The following PCDHGC5 variants were observed in gnomAD, a reference collection of about 807,000 sequenced individuals.
PCDHGC5 encodes protocadherin gamma-C5.
PCDHGC5 carries 25 observed loss-of-function variants against 59.0 expected under a neutral mutation model. That is an observed-to-expected ratio of 0.42 (90% CI 0.31 to 0.59). PCDHGC5 has a LOEUF of 0.59. PCDHGC5 is among the 20% of genes least tolerant of loss of function. The pLI is 0.13. For synonymous variants in PCDHGC5, 434 were observed against 505.5 expected, an observed-to-expected ratio of 0.86 and a Z score of 1.90; for missense variants, 1,067 against 1,206.4, an observed-to-expected ratio of 0.88 and a Z score of 1.71.
intron 3 of PCDHGC5, among the ~76,000 whole-genome samples, chr5:141,508,837 A>C (rs1596180024): frequency 6.7e-6 from 1 of 149,276 alleles, no homozygotes; most frequent in Non-Finnish European, 1.5e-5. Context: ...CCCCTCCCCT[A>C]CCCCTTCCAT....
intron 2 of PCDHGC5, among the ~76,000 whole-genome samples, chr5:141,503,324 C>T (rs1389385473): frequency 7.9e-5 from 12 of 152,014 alleles, no homozygotes; most frequent in South Asian, 2.1e-4. Context: ...TGGAGGGGCG[C>T]GGTGGCTCAC....
chr5:141,501,544 G>T (rs1297191346), intron 2 of PCDHGC5, among the ~76,000 whole-genome samples: 3 of 151,962 alleles, frequency 2.0e-5, no homozygotes, highest in African/African-American at 7.3e-5. Flanking sequence ...TTGTGCATAA[G>T]ATCATAGGCC....
chr5:141,511,359 T>C lies in PCDHGC5; in HGVS notation c.*186T>C. The stretch of plus-strand genomic sequence containing the variant: ...CACCTACCCCTTCCCCCCCAGGGGG[T>C]TGAATATGCAAAAGCAGTTCCGCTG... On this transcript the variant is annotated 3_prime_UTR_variant, in exon 4 of 4. Coordinates refer to ENST00000252087, the MANE Select transcript of PCDHGC5 (RefSeq NM_018929.3). The C allele has an allele frequency of 2.2e-6, 3 of 1,339,338 alleles. No homozygotes were observed. In the South Asian group the frequency reaches 4.6e-5, roughly 20 times the overall value. The allele number at this position is 1,339,338 out of a possible 1,614,324, so 83.0% of individuals were successfully genotyped here. A position where few individuals can be genotyped will look rare whatever the true frequency, so the allele number is the denominator to read the frequency against.
intron 2 of PCDHGC5, among the ~76,000 whole-genome samples, chr5:141,501,184 C>T (rs1209222790): frequency 6.6e-6 from 1 of 152,002 alleles, no homozygotes; most frequent in Non-Finnish European, 1.5e-5. Context: ...CATTTTAACA[C>T]AATTAAATTC....
In PCDHGC5 at chr5:141,500,954, C is replaced by T. The variant is rs536993707; in HGVS notation, c.2520-4439C>T. On this transcript the variant is annotated intron_variant, in intron 2 of 3. Coordinates refer to ENST00000252087, the MANE Select transcript of PCDHGC5 (RefSeq NM_018929.3). Reference sequence around the variant, plus strand: ...CGCCATCTCGGCTCACTGCAAGCTCCACCTCCTGGGTTCAAGCAATTCTCC... The same window carrying T: ...CGCCATCTCGGCTCACTGCAAGCTCTACCTCCTGGGTTCAAGCAATTCTCC... Among the ~76,000 whole-genome samples the T allele has an allele frequency of 2.4e-3, 358 of 152,060 alleles. 1 individual carries two copies. The highest frequency in any genetic ancestry group is 4.1e-3 in the Admixed American group (63 of 15,282).
chr5:141,502,003 G>A (rs945565369), intron 2 of PCDHGC5, among the ~76,000 whole-genome samples: 17 of 151,966 alleles, frequency 1.1e-4, no homozygotes, highest in Admixed American at 1.1e-3. Flanking sequence ...CTGACAACCC[G>A]CATGCTCTCC....
In PCDHGC5 at chr5:141,491,607, T is replaced by G; in HGVS notation, c.2367T>G (p.Phe789Leu). Residue 789 changes from phenylalanine to leucine, a missense_variant, in exon 1 of 4, where the codon TTT (phenylalanine) becomes TTG (leucine). Coordinates refer to ENST00000252087, the MANE Select transcript of PCDHGC5 (RefSeq NM_018929.3). The surrounding 1 kb of genome is among the most constrained non-coding windows in gnomAD (Gnocchi z 6.9). ...CCTCGGACGGCAGTGACTTCACTTT[T>G]CTAAGACCCCTCAGCGTTCAGCAGC... ...SPASDGSDFT[F>L]LRPLSVQQPT... 6.2e-7 allele frequency: 1 copy of G among 1,613,932 alleles called. No homozygotes were observed. The highest frequency in any genetic ancestry group is 1.1e-5 in the South Asian group (1 of 91,084).
Position 141,489,267 on chromosome 5 carries a change from C to G in PCDHGC5, c.27C>G (p.Leu9=). 6.4e-7 allele frequency: 1 copy of G among 1,553,302 alleles called. No homozygotes were observed. Among genetic ancestry groups the G allele is most frequent in the Non-Finnish European group, 8.7e-7 (1 of 1,149,864 alleles). The stretch of plus-strand genomic sequence containing the variant: ...TGGGGCCCAAGACACTCCCACAGCT[C>G]GCTGGGAAATGGCAAGTGCTGTGCA... MGPKTLPQ[L]AGKWQVLCML... Residue 9 remains leucine, a synonymous_variant, in exon 1 of 4, where the codon CTC becomes CTG. Coordinates refer to ENST00000252087, the MANE Select transcript of PCDHGC5 (RefSeq NM_018929.3). The surrounding 1 kb of genome is among the most constrained non-coding windows in gnomAD (Gnocchi z 4.5).
intron 2 of PCDHGC5, among the ~76,000 whole-genome samples, chr5:141,502,905 A>T (rs1364939091): frequency 1.5e-5 from 2 of 131,814 alleles, no homozygotes; most frequent in Non-Finnish European, 3.0e-5. Flanking sequence ...CTCTGTTGCC[A>T]GGCTGGAGTG....
chr5:141,489,729 C>T lies in PCDHGC5; in HGVS notation c.489C>T (p.Gly163=), dbSNP rs760195181. ...PLDSAQDPDV[G]TNTVSFYTLS... is the part of the protein sequence containing the mutation. ...ACAGTGCCCAGGATCCGGATGTGGGCACCAATACTGTGAGCTTTTACACTC... is the reference window on the plus strand; with the variant it reads ...ACAGTGCCCAGGATCCGGATGTGGGTACCAATACTGTGAGCTTTTACACTC... Residue 163 remains glycine, a synonymous_variant, in exon 1 of 4, where the codon GGC becomes GGT. Transcript: ENST00000252087. The surrounding 1 kb of genome is among the most constrained non-coding windows in gnomAD (Gnocchi z 4.5). 2.5e-6 allele frequency: 4 copies of T among 1,614,152 alleles called. No individual in the cohort carries two copies. The highest frequency in any genetic ancestry group is 2.2e-5 in the East Asian group (1 of 44,876).
chr5:141,499,565 C>T (rs1291006795), intron 2 of PCDHGC5, among the ~76,000 whole-genome samples: 1 of 152,168 alleles, frequency 6.6e-6, no homozygotes, highest in East Asian at 1.9e-4. Flanking sequence ...CACTATCCAG[C>T]TTCAACTAAT....
At chr5:141,505,245 A>G (rs530515894) in intron 2 of PCDHGC5, 148 bp from the exon 3 acceptor site, 294 of 1,430,832 alleles carry the variant, frequency 2.1e-4, no homozygotes, top group Admixed American at 1.8e-3. Flanking sequence ...GAAGGATTGT[A>G]GAAGTGCCTC....
chr5:141,509,699 C>T (rs779592471), intron 3 of PCDHGC5, among the ~76,000 whole-genome samples: 4 of 152,168 alleles, frequency 2.6e-5, no homozygotes, highest in Non-Finnish European at 5.9e-5. Flanking sequence ...GGACGTTGGA[C>T]TGGAGGTGCT....
Position 141,491,522 on chromosome 5 carries a change from A to G in PCDHGC5, c.2282A>G (p.Glu761Gly), listed in dbSNP as rs778246278. ...TCGGACGGCACGCTCAAGTACATGG[A>G]GGTGACGCTGCGGCCCACAGACTCG... is the stretch of plus-strand genomic sequence containing the variant. Reference protein sequence around the residue: ...VSSDGTLKYMEVTLRPTDSQS... With the variant: ...VSSDGTLKYMGVTLRPTDSQS... The change falls in exon 1 of 4, where the codon GAG becomes GGG. Residue 761 changes from glutamate to glycine, a missense_variant. By Grantham distance (98) the Glu-to-Gly change is moderately conservative. Coordinates refer to ENST00000252087, the MANE Select transcript of PCDHGC5 (RefSeq NM_018929.3). The surrounding 1 kb of genome is among the most constrained non-coding windows in gnomAD (Gnocchi z 6.9). 8.1e-6 allele frequency: 13 copies of G among 1,614,024 alleles called. No homozygotes were observed. Among genetic ancestry groups the G allele is most frequent in the Non-Finnish European group, 1.1e-5 (13 of 1,180,002 alleles).
At chr5:141,499,880 G>A (rs1177287013) in intron 2 of PCDHGC5, among the ~76,000 whole-genome samples, 1 of 151,886 alleles carries the variant, frequency 6.6e-6, no homozygotes, top group African/African-American at 2.4e-5. Flanking sequence ...TACAAACAGG[G>A]TTTCGCCATG....
Position 141,490,854 on chromosome 5 carries a change from C to T in PCDHGC5, c.1614C>T (p.Asp538=). Residue 538 remains aspartate, a synonymous_variant, in exon 1 of 4, where the codon GAC becomes GAT. Transcript: ENST00000252087. The surrounding 1 kb of genome is among the most constrained non-coding windows in gnomAD (Gnocchi z 5.4). ...QMLQIVVGVR[D]SGSPPLHANT... The stretch of plus-strand genomic sequence containing the variant: ...TGCAGATTGTGGTGGGGGTTCGAGA[C>T]TCCGGCTCTCCCCCATTGCATGCCA... 6.2e-7 allele frequency: 1 copy of T among 1,613,900 alleles called. No homozygotes were observed. The highest frequency in any genetic ancestry group is 8.5e-7 in the Non-Finnish European group (1 of 1,179,914).
At position 141,489,436 on chromosome 5, in the gene PCDHGC5, T is replaced by C. The variant is rs1002519; in HGVS notation, c.196T>C (p.Leu66=). 0.23 allele frequency: 369,130 copies of C among 1,613,832 alleles called. 44,340 individuals are homozygous for C. The highest frequency in any genetic ancestry group is 0.38 in the Admixed American group (23,024 of 60,000). The change falls in exon 1 of 4, where the codon TTG becomes CTG. Residue 66 remains leucine, a synonymous_variant. Transcript: ENST00000252087. The surrounding 1 kb of genome is among the most constrained non-coding windows in gnomAD (Gnocchi z 4.5). ...MTDLLSRRLQ[L]GSEENGRYFS... ...AGATCTGTTGAGCCGGCGGCTGCAATTGGGCTCTGAGGAGAATGGGCGCTA... is the reference window on the plus strand; with the variant it reads ...AGATCTGTTGAGCCGGCGGCTGCAACTGGGCTCTGAGGAGAATGGGCGCTA...
intron 2 of PCDHGC5, among the ~76,000 whole-genome samples, chr5:141,501,075 A>C (rs980856799): frequency 6.6e-6 from 1 of 151,366 alleles, no homozygotes; most frequent in African/African-American, 2.4e-5. Context: ...CACCATGTTG[A>C]CCAGGATGGT....
chr5:141,501,066 A>G (rs2099805322), intron 2 of PCDHGC5, among the ~76,000 whole-genome samples: 1 of 151,976 alleles, frequency 6.6e-6, no homozygotes, highest in South Asian at 2.1e-4. Flanking sequence ...ACGGGGTTTC[A>G]CCATGTTGAC....
Sources: gnomAD v4.1 joint callset for allele counts (sites outside exome capture counted in the v4.1 genomes callset) on GRCh38, gnomAD v4.1.1 for gene constraint, Gnocchi (gnomAD v3.1) non-coding constraint, MANE v1.5 for transcripts, NCBI Gene and HGNC (gene_info 2026-07-23, HGNC 2026-07-21) for gene names.